Variants in TEX36 observed in about 807,000 individuals in gnomAD.
The protein encoded by TEX36 is testis expressed 36.
TEX36 carries 12 observed loss-of-function variants against 13.6 expected under a neutral mutation model. The observed-to-expected ratio is 0.88, with a 90% CI of 0.56 to 1.43. TEX36 has a LOEUF of 1.43. TEX36 is among the 40% of genes most tolerant of loss of function. The probability of loss-of-function intolerance (pLI) is 0.00; values close to 1 mark genes in which losing one functional copy is unlikely to be tolerated. For synonymous variants in TEX36, 93 were observed against 83.0 expected (o/e 1.12, Z -0.65); for missense variants, 224 against 228.3 (o/e 0.98, Z 0.12).
intron 3 of TEX36, among the ~76,000 whole-genome samples, chr10:125,633,876 C>T (rs1050993902): frequency 6.6e-6 from 1 of 152,058 alleles, no homozygotes; most frequent in East Asian, 1.9e-4. Context: ...AGACGCCTGG[C>T]GAACAAAGGC....
At chr10:125,674,230 T>C (rs1036787675) in intron 1 of TEX36, among the ~76,000 whole-genome samples, 3 of 152,220 alleles carry the variant, frequency 2.0e-5, no homozygotes, top group Non-Finnish European at 4.4e-5. Flanking sequence ...TACTTGTGGT[T>C]GCATTGTGAC....
At chr10:125,632,791 C>A (rs1846574060) in intron 3 of TEX36, among the ~76,000 whole-genome samples, 1 of 152,082 alleles carries the variant, frequency 6.6e-6, no homozygotes, top group Non-Finnish European at 1.5e-5. Context: ...GGTGAATAAG[C>A]CAGCTCATGT....
intron 3 of TEX36, among the ~76,000 whole-genome samples, chr10:125,592,810 G>A (rs1846037381): frequency 6.6e-6 from 1 of 152,126 alleles, no homozygotes; most frequent in African/African-American, 2.4e-5. Context: ...AGAATTCAGG[G>A]AGCACTTTAC....
At chr10:125,674,053 C>T (rs903251976) in intron 1 of TEX36, among the ~76,000 whole-genome samples, 4 of 152,074 alleles carry the variant, frequency 2.6e-5, no homozygotes, top group African/African-American at 9.7e-5. Context: ...TTTCAGTTAC[C>T]CCAATCAGTC....
intron 3 of TEX36, among the ~76,000 whole-genome samples, chr10:125,580,721 G>A (rs1467394333): frequency 4.6e-5 from 7 of 152,176 alleles, no homozygotes; most frequent in East Asian, 1.9e-4. Context: ...TCAGCCTCCC[G>A]CTTCCAGTTA....
intron 1 of TEX36, among the ~76,000 whole-genome samples, chr10:125,681,114 G>A (rs1332536375): frequency 6.6e-6 from 1 of 152,158 alleles, no homozygotes; most frequent in Non-Finnish European, 1.5e-5. Flanking sequence ...GGTGACAGGC[G>A]CCTTCCATCT....
chr10:125,613,292 T>C (rs1364819113), intron 3 of TEX36, among the ~76,000 whole-genome samples: 1 of 137,184 alleles, frequency 7.3e-6, no homozygotes, highest in African/African-American at 2.9e-5. Context: ...TTTTTATTAT[T>C]ATTATACTTT....
downstream of TEX36, among the ~76,000 whole-genome samples, chr10:125,654,084 C>T (rs1209538584): frequency 6.6e-6 from 1 of 152,094 alleles, no homozygotes; most frequent in African/African-American, 2.4e-5. Context: ...TTGGAAATGA[C>T]ATAAAAGAAT....
At chr10:125,615,627 T>C (rs1473427926) in intron 3 of TEX36, among the ~76,000 whole-genome samples, 6 of 151,110 alleles carry the variant, frequency 4.0e-5, no homozygotes, top group Non-Finnish European at 1.5e-5. Context: ...ATCCCAGGGA[T>C]GAAGCCCACT....
intron 3 of TEX36, among the ~76,000 whole-genome samples, chr10:125,599,951 G>A (rs1335480753): frequency 3.3e-5 from 5 of 152,122 alleles, no homozygotes; most frequent in African/African-American, 9.7e-5. Flanking sequence ...TCTAGACTTC[G>A]GGATCCATGC....
intron 3 of TEX36, among the ~76,000 whole-genome samples, chr10:125,584,010 G>C (rs995364271): frequency 6.6e-6 from 1 of 152,186 alleles, no homozygotes; most frequent in Non-Finnish European, 1.5e-5. Context: ...CACTGTGGGA[G>C]CTTAGAGCAG....
intron 3 of TEX36, among the ~76,000 whole-genome samples, chr10:125,631,693 G>A (rs1270381907): frequency 6.6e-6 from 1 of 152,194 alleles, no homozygotes; most frequent in Non-Finnish European, 1.5e-5. Flanking sequence ...TGGGTAGGGG[G>A]AGAAGCATTC....
chr10:125,621,198 T>C (rs977514273), downstream of TEX36, among the ~76,000 whole-genome samples: 2 of 152,164 alleles, frequency 1.3e-5, no homozygotes, highest in East Asian at 3.8e-4. Context: ...ATCCAAAGAA[T>C]ATTTTGGATA....
chr10:125,615,805 G>T (rs1049647824), intron 3 of TEX36, among the ~76,000 whole-genome samples: 1 of 152,134 alleles, frequency 6.6e-6, no homozygotes, highest in Non-Finnish European at 1.5e-5. Flanking sequence ...CATAAAATGA[G>T]TTAGGGAGGA....
chr10:125,617,798 G>T (rs1388980285), downstream of TEX36, among the ~76,000 whole-genome samples: 1 of 152,070 alleles, frequency 6.6e-6, no homozygotes, highest in Non-Finnish European at 1.5e-5. Flanking sequence ...TATCTTTGTG[G>T]CGTTCTCTGT....
At chr10:125,673,877 G>C (rs906986800) in intron 1 of TEX36, among the ~76,000 whole-genome samples, 7 of 151,950 alleles carry the variant, frequency 4.6e-5, no homozygotes, top group Non-Finnish European at 7.4e-5. Flanking sequence ...TTCCACGTTG[G>C]AGAATCTGAT....
At chr10:125,587,045 C>T (rs1007162675) in intron 3 of TEX36, among the ~76,000 whole-genome samples, 1 of 152,170 alleles carries the variant, frequency 6.6e-6, no homozygotes, top group African/African-American at 2.4e-5. Flanking sequence ...GCCATGTAGA[C>T]GTGCCTACTT....
downstream of TEX36, among the ~76,000 whole-genome samples, chr10:125,651,339 A>C (rs1846852831): frequency 6.6e-6 from 1 of 152,232 alleles, no homozygotes; most frequent in Non-Finnish European, 1.5e-5. Context: ...AGGCTGGTTC[A>C]ACATATACAA....
At chr10:125,619,523 G>A (rs543457236), downstream of TEX36, among the ~76,000 whole-genome samples, 1 of 152,032 alleles carries the variant, frequency 6.6e-6, no homozygotes, top group Non-Finnish European at 1.5e-5. Context: ...CTTTTTGAAA[G>A]CTCAGATGGT....
Sources: allele counts gnomAD v4.1 joint callset (sites outside exome capture counted in the v4.1 genomes callset), GRCh38; gene constraint gnomAD v4.1.1; transcripts MANE v1.5; gene names NCBI Gene and HGNC (gene_info 2026-07-23, HGNC 2026-07-21).